Variants in IL36G observed in about 807,000 individuals in gnomAD.
The protein encoded by IL36G is interleukin 36 gamma.
In IL36G, 10 loss-of-function variants were observed where a neutral mutation model predicts 13.5. That is an observed-to-expected ratio of 0.74 (90% confidence interval 0.46 to 1.26). The LOEUF (loss-of-function observed/expected upper bound fraction) is 1.26. Among genes scored for constraint, IL36G ranks in the 50% most tolerant of loss-of-function variants. The pLI is 0.00. For synonymous variants in IL36G, 84 were observed against 74.0 expected, an observed-to-expected ratio of 1.13 and a Z score of -0.69; for missense variants, 199 against 203.0, an observed-to-expected ratio of 0.98 and a Z score of 0.12.
At chr2:112,979,437 GA>G in intron 3 of IL36G, 112 bp downstream of exon 3, 1 of 637,468 alleles carries the variant, frequency 1.6e-6, no homozygotes, top group Non-Finnish European at 2.8e-6. Flanking sequence ...GGAGTGGGGA[GA>G]ATTTCACACC....
chr2:112,980,466 T>A (rs1369511786), intron 4 of IL36G, among the ~76,000 whole-genome samples: 1 of 152,220 alleles, frequency 6.6e-6, no homozygotes, highest in African/African-American at 2.4e-5. Context: ...TCAAACTCCC[T>A]TGTTCAAAGG....
intron 4 of IL36G, among the ~76,000 whole-genome samples, chr2:112,980,924 A>G (rs1684250016): frequency 6.6e-6 from 1 of 152,214 alleles, no homozygotes; most frequent in Admixed American, 6.5e-5. Flanking sequence ...AGCCAAGAGG[A>G]ACTCTCTCAA....
At chr2:112,978,946 A>G (rs2105010696) in intron 2 of IL36G, among the ~76,000 whole-genome samples, 1 of 152,338 alleles carries the variant, frequency 6.6e-6, no homozygotes, top group South Asian at 2.1e-4. Context: ...GCCTTGGCAC[A>G]CAGGTTCTGT....
intron 4 of IL36G, among the ~76,000 whole-genome samples, chr2:112,980,966 G>T (rs148114603): frequency 0.033 from 5,071 of 152,280 alleles, 278 homozygotes; most frequent in African/African-American, 0.12. Context: ...TCCCCACATC[G>T]ATCCAGCTTT....
At position 112,978,689 on chromosome 2, in the gene IL36G, A is replaced by G. The variant is rs1286027047; in HGVS notation, c.51A>G (p.Gln17=). ...DADGGGRAVY[Q]SMCKPITGTI... is the part of the protein sequence containing the mutation. ...ATGGTGGAGGAAGGGCCGTCTATCA[A>G]TCAAGTGAATCAAATGCTGTTGGGA... Residue 17 remains glutamine (Q), a synonymous_variant, in exon 2 of 5, where the codon CAA becomes CAG. Coordinates refer to ENST00000259205, the MANE Select transcript of IL36G (RefSeq NM_019618.4). The G allele has an allele frequency of 6.2e-7, 1 of 1,614,088 alleles. No individual in the cohort carries two copies. Among genetic ancestry groups the G allele is most frequent in the African/African-American group, 1.3e-5 (1 of 75,042 alleles).
At chr2:112,980,510 A>G (rs1300575079) in intron 4 of IL36G, among the ~76,000 whole-genome samples, 2 of 152,232 alleles carry the variant, frequency 1.3e-5, no homozygotes, top group Non-Finnish European at 2.9e-5. Flanking sequence ...TATAAAACTC[A>G]ATGAAGTCTT....
chr2:112,981,968 CT>C (rs1684271138), intron 4 of IL36G, among the ~76,000 whole-genome samples: 1 of 152,150 alleles, frequency 6.6e-6, no homozygotes, highest in South Asian at 2.1e-4. Flanking sequence ...TGTATGGGTA[CT>C]TCCTGGCCTC....
At chr2:112,983,798 T>A (rs1684306984) in intron 4 of IL36G, among the ~76,000 whole-genome samples, 1 of 152,180 alleles carries the variant, frequency 6.6e-6, no homozygotes, top group Non-Finnish European at 1.5e-5. Context: ...ATTTATTTAC[T>A]TCAGTTTAAA....
intron 2 of IL36G, 77 bp from the exon 3 acceptor site, chr2:112,979,144 A>G (rs545289931): frequency 1.8e-4 from 168 of 910,100 alleles, no homozygotes; most frequent in South Asian, 9.3e-4. Flanking sequence ...GGCCTGGGTT[A>G]GATACTTTTC....
At chr2:112,978,796 T>C (rs1684211727) in intron 2 of IL36G, 103 bp downstream of exon 2, 4 of 1,150,494 alleles carry the variant, frequency 3.5e-6, no homozygotes, top group Non-Finnish European at 5.2e-6. Context: ...CTCTGTACAC[T>C]GCCCTTCCCA....
At chr2:112,979,406 A>T in intron 3 of IL36G, 81 bp downstream of exon 3, 1 of 806,814 alleles carries the variant, frequency 1.2e-6, no homozygotes, top group Non-Finnish European at 2.1e-6. Context: ...TAAAAGTGTG[A>T]CTTTACAATG....
In IL36G at chr2:112,985,389, G is replaced by A. The variant is rs576182352; in HGVS notation, c.*340G>A. The A allele has an allele frequency of 4.4e-5, 12 of 273,128 alleles. No homozygotes were observed. The highest frequency in any genetic ancestry group is 3.7e-4 in the South Asian group (7 of 19,022). 16.9% of individuals were successfully genotyped at this position (273,128 alleles called of 1,614,324 possible). A position where few individuals can be genotyped will look rare whatever the true frequency, so the allele number is the denominator to read the frequency against. ...TATGAAGATGCTTCAGAGCTCATGC[G>A]CGTTACCCACGATGGCATGACTAGC... On this transcript the variant is annotated 3_prime_UTR_variant, in exon 5 of 5. Coordinates refer to ENST00000259205, the MANE Select transcript of IL36G (RefSeq NM_019618.4).
rs572567847 is a variant in IL36G at position 112,978,035 on chromosome 2, C to T, written c.-63C>T. Reference sequence around the variant, plus strand: ...CTGACCTTGGAAGCTGCTGGAGCCACGATTCAGTCCCCTGGACTGTAGATA... The same window carrying T: ...CTGACCTTGGAAGCTGCTGGAGCCATGATTCAGTCCCCTGGACTGTAGATA... On this transcript the variant is annotated 5_prime_UTR_variant, in exon 1 of 5. It adds an upstream start codon to the 5' untranslated region. Transcript: ENST00000259205. 2.6e-5 allele frequency: 4 copies of T among 152,824 alleles called. No individual in the cohort carries two copies. The highest frequency in any genetic ancestry group is 3.8e-4 in the East Asian group (2 of 5,202). The allele number at this position is 152,824 out of a possible 1,614,324, so 9.5% of individuals were successfully genotyped here. A position where few individuals can be genotyped will look rare whatever the true frequency, so the allele number is the denominator to read the frequency against.
chr2:112,978,152 T>C (rs1684197221), intron 1 of IL36G, 74 bp downstream of exon 1: 1 of 165,614 alleles, frequency 6.0e-6, no homozygotes, highest in Admixed American at 5.7e-5. Context: ...TTGGGCTTAA[T>C]GAAGGGAAGG....
At position 112,978,659 on chromosome 2, in the gene IL36G, C is replaced by T. The variant is rs571391180; in HGVS notation, c.21C>T (p.Asp7=). 7.4e-5 allele frequency: 119 copies of T among 1,614,116 alleles called. No individual in the cohort carries two copies. Among genetic ancestry groups the T allele is most frequent in the South Asian group, 3.7e-4 (34 of 91,076 alleles). ...ACACTATGAGAGGCACTCCAGGAGACGCTGATGGTGGAGGAAGGGCCGTCT... is the reference window on the plus strand; with the variant it reads ...ACACTATGAGAGGCACTCCAGGAGATGCTGATGGTGGAGGAAGGGCCGTCT... MRGTPG[D]ADGGGRAVYQ... is the part of the protein sequence containing the mutation. The change falls in exon 2 of 5, where the codon GAC becomes GAT. Residue 7 remains aspartate, a synonymous_variant. Coordinates refer to ENST00000259205, the MANE Select transcript of IL36G (RefSeq NM_019618.4).
rs574330086 is a variant in IL36G at position 112,981,478 on chromosome 2, G to A, written c.300+1330G>A. 5.7e-5 allele frequency: 34 copies of A among 597,188 alleles called. 1 individual carries two copies. The South Asian group carries it at 6.1e-4, about 11-fold the overall frequency. 37.0% of individuals were successfully genotyped at this position (597,188 alleles called of 1,614,324 possible). On this transcript the variant is annotated intron_variant, in intron 4 of 4. Coordinates refer to ENST00000259205, the MANE Select transcript of IL36G (RefSeq NM_019618.4). Reference sequence around the variant, plus strand: ...GGGATATAGGCACTGGATGCAGGATGCAGCATTGTGCGGGTTTTGGTCAGT... The same window carrying A: ...GGGATATAGGCACTGGATGCAGGATACAGCATTGTGCGGGTTTTGGTCAGT...
intron 2 of IL36G, 27 bp downstream of exon 2, chr2:112,978,720 C>G (rs373779128): frequency 6.2e-7 from 1 of 1,610,604 alleles, no homozygotes; most frequent in South Asian, 1.1e-5. Context: ...TGGGATGGGG[C>G]TCTGGAGGCT....
At chr2:112,978,511 G>T in intron 1 of IL36G, 109 bp from the exon 2 acceptor site, 1 of 845,138 alleles carries the variant, frequency 1.2e-6, no homozygotes. Context: ...CTTCGTGTCA[G>T]GCCAGGTTTC....
At chr2:112,984,780 A>G (rs1684323783) in intron 4 of IL36G, 60 bp from the exon 5 acceptor site, 1 of 1,359,614 alleles carries the variant, frequency 7.4e-7, no homozygotes, top group South Asian at 1.2e-5. Context: ...ATTATGAATA[A>G]CCTTGAATAT....
Sources: allele counts gnomAD v4.1 joint callset (sites outside exome capture counted in the v4.1 genomes callset), GRCh38; gene constraint gnomAD v4.1.1; transcripts MANE v1.5; gene names NCBI Gene and HGNC (gene_info 2026-07-23, HGNC 2026-07-21).